NOS2: variants seen among roughly 807,000 people sequenced by gnomAD.
The protein encoded by NOS2 is nitric oxide synthase, inducible.
In NOS2, 96 loss-of-function variants were observed where a neutral mutation model predicts 136.0. The observed-to-expected ratio is 0.71, with a 90% CI of 0.60 to 0.84. The LOEUF is 0.84. NOS2 is among the 40% of genes least tolerant of loss of function. The probability of loss-of-function intolerance (pLI) is 0.00; values close to 1 mark genes in which losing one functional copy is unlikely to be tolerated. For synonymous variants in NOS2, 539 were observed against 587.5 expected, an observed-to-expected ratio of 0.92 and a Z score of 1.20; for missense variants, 1,237 against 1,496.9, an observed-to-expected ratio of 0.83 and a Z score of 2.87.
chr17:27,782,884 C>A, intron 6 of NOS2, 60 bp downstream of exon 6: 4 of 1,550,526 alleles, frequency 2.6e-6, no homozygotes, highest in Non-Finnish European at 8.8e-7. Flanking sequence ...CTGTTCCAAG[C>A]CATCTGCTCA....
chr17:27,784,167 CCA>C (rs1908942683), intron 5 of NOS2, among the ~76,000 whole-genome samples: 1 of 151,236 alleles, frequency 6.6e-6, no homozygotes, highest in African/African-American at 2.4e-5. Flanking sequence ...CACACTACCA[CCA>C]CCACCAACAA....
chr17:27,788,702 C>G (rs1597557918), intron 4 of NOS2, 107 bp downstream of exon 4: 3 of 1,398,690 alleles, frequency 2.1e-6, no homozygotes, highest in Non-Finnish European at 2.9e-6. Flanking sequence ...TTTGCCCAAG[C>G]AGATGATTGT....
chr17:27,778,742 C>G lies in NOS2; in HGVS notation c.1229G>C (p.Trp410Ser), dbSNP rs948354009. ...GLETHKLASLWKDQAVVEINI... is the reference protein window; with the variant it reads ...GLETHKLASLSKDQAVVEINI... Reference sequence around the variant, plus strand: ...GATCTCAACGACAGCCTGGTCTTTCCAGAGCGAGGCCAGCTTGTGCGTTTC... The same window carrying G: ...GATCTCAACGACAGCCTGGTCTTTCGAGAGCGAGGCCAGCTTGTGCGTTTC... The change falls in exon 11 of 27, where the codon TGG (tryptophan) becomes TCG (serine). Residue 410 changes from tryptophan (W) to serine (S), a missense_variant. Physicochemically the swap from Trp to Ser is radical, Grantham distance 177. This residue lies in a region of NOS2 where 440 missense variants were observed against 545.4 expected (regional missense o/e 0.81). Transcript: ENST00000313735. The G allele has an allele frequency of 1.9e-6, 3 of 1,614,086 alleles. No individual in the cohort carries two copies. The African/African-American group carries it at 4.0e-5, about 22-fold the overall frequency.
chr17:27,792,815 CAAAAAA>C (rs34992777), intron 2 of NOS2, among the ~76,000 whole-genome samples: 19 of 52,510 alleles, frequency 3.6e-4, no homozygotes, highest in East Asian at 7.9e-4. Context: ...CCTATCTCTA[CAAAAAA>C]AAAAAAAAAA....
intron 17 of NOS2, 127 bp from the exon 18 acceptor site, chr17:27,767,964 AG>A (rs1200340413): frequency 8.3e-7 from 1 of 1,205,430 alleles, no homozygotes; most frequent in Non-Finnish European, 1.2e-6. Context: ...GTAACTTCGA[AG>A]CACACTTACC....
intron 8 of NOS2, 58 bp downstream of exon 8, chr17:27,780,978 C>A: frequency 6.2e-7 from 1 of 1,600,716 alleles, no homozygotes. Flanking sequence ...CACTCTGTCA[C>A]TCGCTCACCA....
chr17:27,776,617 G>T (rs1302552520), intron 11 of NOS2, among the ~76,000 whole-genome samples: 1 of 142,126 alleles, frequency 7.0e-6, no homozygotes, highest in Admixed American at 7.1e-5. Flanking sequence ...AGGTTGCAGT[G>T]AGCCGAGATC....
At chr17:27,772,183 T>A (rs1039600657) in intron 14 of NOS2, 125 bp downstream of exon 14, 6 of 1,054,408 alleles carry the variant, frequency 5.7e-6, no homozygotes, top group African/African-American at 1.6e-5. Context: ...CTCTTCCAGA[T>A]TAATGATGCA....
chr17:27,758,867 A>G lies in NOS2; in HGVS notation c.3354+14T>C. The G allele has an allele frequency of 6.7e-7, 1 of 1,483,722 alleles. No homozygotes were observed. The highest frequency in any genetic ancestry group is 1.4e-5 in the South Asian group (1 of 72,426). The allele number at this position is 1,483,722 out of a possible 1,614,324, so 91.9% of individuals were successfully genotyped here. A position where few individuals can be genotyped will look rare whatever the true frequency, so the allele number is the denominator to read the frequency against. On this transcript the variant is annotated intron_variant, in intron 26 of 26. Coordinates refer to ENST00000313735, the MANE Select transcript of NOS2 (RefSeq NM_000625.4). The stretch of plus-strand genomic sequence containing the variant: ...CTTGGCCGGCACCTTCAGCCCACAC[A>G]CCCACTACTATACCTTGAGCTGAAA...
chr17:27,777,603 T>C (rs1185612536), intron 11 of NOS2, among the ~76,000 whole-genome samples: 1 of 152,216 alleles, frequency 6.6e-6, no homozygotes, highest in Admixed American at 6.5e-5. Flanking sequence ...AGATCGCGGA[T>C]GTGGCCCTCA....
chr17:27,770,838 G>T lies in NOS2; in HGVS notation c.1809+75C>A, dbSNP rs28999413. 5.6e-6 allele frequency: 6 copies of T among 1,075,322 alleles called. No homozygotes were observed. The East Asian group carries it at 7.6e-5, about 14-fold the overall frequency. 66.6% of individuals were successfully genotyped at this position (1,075,322 alleles called of 1,614,324 possible). The stretch of plus-strand genomic sequence containing the variant: ...CCAAATGTCCTCCGTAGGACCTGCC[G>T]CATCCCCCAGACCCTTTCCTGGGTC... On this transcript the variant is annotated intron_variant, in intron 15 of 26. Coordinates refer to ENST00000313735, the MANE Select transcript of NOS2 (RefSeq NM_000625.4).
In NOS2 at chr17:27,758,874, A is replaced by G. The variant is rs1470954808; in HGVS notation, c.3354+7T>C. 6.4e-7 allele frequency: 1 copy of G among 1,563,862 alleles called. No homozygotes were observed. The highest frequency in any genetic ancestry group is 1.8e-5 in the Admixed American group (1 of 55,930). On this transcript the variant is annotated splice_region_variant and intron_variant, in intron 26 of 26. Transcript: ENST00000313735. ...GGCACCTTCAGCCCACACACCCACT[A>G]CTATACCTTGAGCTGAAAGAAATAG...
At chr17:27,789,403 G>A (rs1056058862) in intron 3 of NOS2, among the ~76,000 whole-genome samples, 2 of 152,116 alleles carry the variant, frequency 1.3e-5, no homozygotes, top group African/African-American at 4.8e-5. Flanking sequence ...CACCACTCCC[G>A]ACCACTGGGG....
rs1430833104 is a variant in NOS2, at chr17:27,760,131, C to T, written c.3058G>A (p.Asp1020Asn). ...TCCTCCTGGTAGATGTGGTCCTCAT[C>T]TGGGCGGCGGCACCCAAACACCAAG... ...MTLVFGCRRPDEDHIYQEEML... is the reference protein window; with the variant it reads ...MTLVFGCRRPNEDHIYQEEML... Residue 1020 changes from aspartate (D) to asparagine (N), a missense_variant, in exon 25 of 27, where the codon GAT (aspartate) becomes AAT (asparagine). This residue lies in a region of NOS2 where 782 missense variants were observed against 909.9 expected (regional missense o/e 0.86). Transcript: ENST00000313735. 4.4e-6 allele frequency: 7 copies of T among 1,605,812 alleles called. No individual in the cohort carries two copies. Among genetic ancestry groups the T allele is most frequent in the South Asian group, 3.3e-5 (3 of 90,172 alleles).
In NOS2 at chr17:27,760,730, T is replaced by G. The variant is rs1307601689; in HGVS notation, c.2903A>C (p.His968Pro). ...PCFVRNASGF[H>P]LPEDPSHPCI... is the part of the protein sequence containing the mutation. ...AGGATGGGAGGGATCCTCGGGGAGGTGGAAGCCGCTGGCACTGAAGAGGAC... is the reference window on the plus strand; with the variant it reads ...AGGATGGGAGGGATCCTCGGGGAGGGGGAAGCCGCTGGCACTGAAGAGGAC... The change falls in exon 24 of 27, where the codon CAC becomes CCC. Residue 968 changes from histidine to proline, a missense_variant. Around this residue, in one of 3 missense-constraint regions of NOS2, gnomAD observed 782 missense variants for 909.9 expected, o/e 0.86. Coordinates refer to ENST00000313735, the MANE Select transcript of NOS2 (RefSeq NM_000625.4). The G allele has an allele frequency of 1.3e-6, 2 of 1,548,998 alleles. No individual in the cohort carries two copies. Among genetic ancestry groups the G allele is most frequent in the Non-Finnish European group, 1.7e-6 (2 of 1,146,802 alleles).
At chr17:27,797,287 C>T (rs1394853302) in intron 2 of NOS2, among the ~76,000 whole-genome samples, 4 of 152,216 alleles carry the variant, frequency 2.6e-5, no homozygotes, top group African/African-American at 4.8e-5. Context: ...CCAACACCAC[C>T]GCTAATGATA....
chr17:27,769,196 A>G (rs1165587227), intron 16 of NOS2, 45 bp from the exon 17 acceptor site: 1 of 1,550,882 alleles, frequency 6.4e-7, no homozygotes, highest in Admixed American at 1.8e-5. Context: ...TGCAAGCAGC[A>G]CCTGGCACCC....
chr17:27,768,116 C>T (rs1908368521), intron 17 of NOS2, among the ~76,000 whole-genome samples: 1 of 152,156 alleles, frequency 6.6e-6, no homozygotes. Flanking sequence ...GTGGTGCCAT[C>T]ATAGCTCACT....
chr17:27,773,210 C>T lies in NOS2; in HGVS notation c.1510G>A (p.Glu504Lys), dbSNP rs777393355. The change falls in exon 13 of 27, where the codon GAG (glutamate) becomes AAG (lysine). Residue 504 changes from glutamate (E) to lysine (K), a missense_variant. Transcript: ENST00000313735. ...TCTCTTCTCTTGGGTCTCCGCTTCT[C>T]GTCCTGCCAGACATGGGTTTTCCAG... Reference protein sequence around the residue: ...EAWKTHVWQDEKRRPKRREIP... With the variant: ...EAWKTHVWQDKKRRPKRREIP... The T allele has an allele frequency of 1.7e-5, 28 of 1,613,964 alleles. No individual in the cohort carries two copies. Among genetic ancestry groups the T allele is most frequent in the Admixed American group, 3.3e-5 (2 of 59,960 alleles).
Sources: gnomAD v4.1 joint callset for allele counts (sites outside exome capture counted in the v4.1 genomes callset) on GRCh38, gnomAD v4.1.1 for gene constraint, gnomAD v4.1.1 regional missense constraint, MANE v1.5 for transcripts, NCBI Gene and HGNC (gene_info 2026-07-23, HGNC 2026-07-21) for gene names.